Variants in NFIA observed in about 807,000 individuals in gnomAD.
The protein encoded by NFIA is nuclear factor 1 A-type.
A neutral mutation model predicts 62.8 loss-of-function variants in NFIA; 8 were observed. That is an observed-to-expected ratio of 0.13 (90% CI 0.07 to 0.23). NFIA has a LOEUF of 0.23. Ranked by LOEUF, NFIA falls within the 10% of genes least tolerant of loss-of-function variation. NFIA has a pLI of 1.00. For synonymous variants in NFIA, 235 were observed against 238.1 expected (o/e 0.99, Z 0.12); for missense variants, 410 against 642.1 (o/e 0.64, Z 3.91).
upstream of NFIA, among the ~76,000 whole-genome samples, chr1:61,080,880 T>C (rs2100398615): frequency 6.6e-6 from 1 of 152,134 alleles, no homozygotes; most frequent in South Asian, 2.1e-4. Flanking sequence ...ATTTCAGAGG[T>C]TCTCTTTTGC....
chr1:61,337,593 G>C (rs901337220), intron 4 of NFIA, among the ~76,000 whole-genome samples: 1 of 152,150 alleles, frequency 6.6e-6, no homozygotes, highest in Non-Finnish European at 1.5e-5. Context: ...TAACAATGTG[G>C]TTCAGAATCA....
intron 10 of NFIA, among the ~76,000 whole-genome samples, chr1:61,427,437 G>A (rs968424423): frequency 2.6e-5 from 4 of 152,150 alleles, no homozygotes; most frequent in Admixed American, 2.6e-4. Flanking sequence ...TATTTTCTCT[G>A]TAAGGTTCTT....
upstream of NFIA, among the ~76,000 whole-genome samples, chr1:61,081,602 G>A (rs534816680): frequency 1.8e-4 from 27 of 152,224 alleles, no homozygotes; most frequent in African/African-American, 6.3e-4. Context: ...GTTTCTGAAC[G>A]TGATAGAACT....
chr1:61,315,197 A>G (rs1465649022), intron 3 of NFIA, among the ~76,000 whole-genome samples: 1 of 152,218 alleles, frequency 6.6e-6, no homozygotes, highest in African/African-American at 2.4e-5. Context: ...GAAGGGCTCC[A>G]TGTTCAAATT....
intron 3 of NFIA, among the ~76,000 whole-genome samples, chr1:61,311,545 C>T (rs746086236): frequency 4.6e-5 from 7 of 152,082 alleles, no homozygotes; most frequent in African/African-American, 9.7e-5. Context: ...CTGTCCTGTG[C>T]GTTGTAGGAT....
intron 2 of NFIA, among the ~76,000 whole-genome samples, chr1:61,154,197 T>C (rs1035241473): frequency 6.6e-6 from 1 of 152,212 alleles, no homozygotes; most frequent in Non-Finnish European, 1.5e-5. Flanking sequence ...TCTCCCAGGC[T>C]TGAGTGCGTG....
intron 2 of NFIA, chr1:61,253,576 G>A (rs899277611): frequency 6.6e-6 from 1 of 152,240 alleles, no homozygotes; most frequent in African/African-American, 2.4e-5. Flanking sequence ...GTAATCAGAG[G>A]TCAAGTGGTT....
At chr1:61,408,325 TC>T (rs1441602380) in intron 9 of NFIA, among the ~76,000 whole-genome samples, 18 of 152,242 alleles carry the variant, frequency 1.2e-4, no homozygotes, top group Admixed American at 1.2e-3. Context: ...CCTCTGCTTC[TC>T]AGAGGTTTGA....
chr1:61,077,446 T>TAA, upstream of NFIA: 1 of 426,696 alleles, frequency 2.3e-6, no homozygotes, highest in South Asian at 8.8e-5. Flanking sequence ...GATTTGGAGT[T>TAA]AAAAAAAAAA....
chr1:61,424,711 A>G (rs190365883), intron 9 of NFIA, among the ~76,000 whole-genome samples: 18 of 152,320 alleles, frequency 1.2e-4, no homozygotes, highest in African/African-American at 3.8e-4. Context: ...AGAGCAGGGG[A>G]ACACACTATC....
chr1:61,079,969 AAGG>A (rs1346490173), upstream of NFIA, among the ~76,000 whole-genome samples: 1 of 152,118 alleles, frequency 6.6e-6, no homozygotes, highest in Admixed American at 6.5e-5. Flanking sequence ...CTTGTTTCCA[AAGG>A]CTGTAGTTGG....
intron 2 of NFIA, among the ~76,000 whole-genome samples, chr1:61,128,767 A>G (rs1647019973): frequency 6.6e-6 from 1 of 152,078 alleles, no homozygotes; most frequent in Admixed American, 6.5e-5. Flanking sequence ...ATATGTTAAG[A>G]AGAGAATTTT....
At chr1:61,202,032 A>G (rs930177564) in intron 2 of NFIA, among the ~76,000 whole-genome samples, 2 of 152,108 alleles carry the variant, frequency 1.3e-5, no homozygotes, top group East Asian at 1.9e-4. Flanking sequence ...TTGACTTCCA[A>G]TTTGGGCAGG....
chr1:61,290,018 T>C (rs1203652164), intron 3 of NFIA, among the ~76,000 whole-genome samples: 2 of 151,432 alleles, frequency 1.3e-5, no homozygotes, highest in African/African-American at 4.8e-5. Flanking sequence ...AGTTTCTTTT[T>C]TTTTTTTTTT....
intron 2 of NFIA, among the ~76,000 whole-genome samples, chr1:61,216,088 C>A (rs1653606652): frequency 6.6e-6 from 1 of 152,150 alleles, no homozygotes; most frequent in Admixed American, 6.5e-5. Context: ...TTGTTGTAAA[C>A]CATGTTGTAG....
intron 3 of NFIA, among the ~76,000 whole-genome samples, chr1:61,328,991 G>A (rs1661123348): frequency 6.6e-6 from 1 of 151,288 alleles, no homozygotes; most frequent in Admixed American, 6.6e-5. Context: ...CCAAAGTGCT[G>A]GGATTACAGG....
intron 2 of NFIA, among the ~76,000 whole-genome samples, chr1:61,142,474 A>T (rs188117006): frequency 7.2e-5 from 11 of 152,326 alleles, no homozygotes; most frequent in African/African-American, 1.9e-4. Flanking sequence ...TAGCCTGAAG[A>T]ACAGTATTCT....
chr1:61,299,662 C>T (rs926669832), intron 3 of NFIA, among the ~76,000 whole-genome samples: 1 of 152,120 alleles, frequency 6.6e-6, no homozygotes, highest in African/African-American at 2.4e-5. Context: ...TGTACAGCGA[C>T]TCAAAGTTTA....
intron 2 of NFIA, among the ~76,000 whole-genome samples, chr1:61,093,199 A>G (rs1211675434): frequency 1.3e-5 from 2 of 152,196 alleles, no homozygotes; most frequent in Non-Finnish European, 2.9e-5. Flanking sequence ...GTTTACATTC[A>G]AATCTAGGAC....
Sources: gnomAD v4.1 joint callset for allele counts (sites outside exome capture counted in the v4.1 genomes callset) on GRCh38, gnomAD v4.1.1 for gene constraint, MANE v1.5 for transcripts, NCBI Gene and HGNC (gene_info 2026-07-23, HGNC 2026-07-21) for gene names.